The following HTR3B variants were observed in gnomAD, a reference collection of about 807,000 sequenced individuals.
HTR3B encodes the protein 5-hydroxytryptamine receptor 3B.
In HTR3B, 44 loss-of-function variants were observed where a neutral mutation model predicts 42.8. The observed-to-expected ratio is 1.03, with a 90% CI of 0.81 to 1.32. The LOEUF (loss-of-function observed/expected upper bound fraction) is 1.32. HTR3B is among the 40% of genes most tolerant of loss of function. The pLI, the probability that HTR3B is intolerant of heterozygous loss-of-function variation, is 0.00. For synonymous variants in HTR3B, 203 were observed against 209.0 expected, an observed-to-expected ratio of 0.97 and a Z score of 0.25; for missense variants, 527 against 536.5, an observed-to-expected ratio of 0.98 and a Z score of 0.17.
In HTR3B at chr11:113,946,329, CA is replaced by C. The variant is rs1290114069; in HGVS notation, c.*193del. ...CAGCCAGAGCAACATAGTGAGACCACATCTCTACCAGTAAATAAATAAATAA... is the reference window on the plus strand; with the variant it reads ...CAGCCAGAGCAACATAGTGAGACCACTCTCTACCAGTAAATAAATAAATAA... On this transcript the variant is annotated 3_prime_UTR_variant, in exon 9 of 9. Coordinates refer to ENST00000260191, the MANE Select transcript of HTR3B (RefSeq NM_006028.5). 5 of 459,926 alleles carry C rather than the reference CA, an allele frequency of 1.1e-5. No individual in the cohort carries two copies. Among genetic ancestry groups the C allele is most frequent in the Admixed American group, 7.2e-5 (2 of 27,822 alleles). The allele number at this position is 459,926 out of a possible 1,614,324, so 28.5% of individuals were successfully genotyped here.
chr11:113,936,090 G>A (rs1950089912), intron 6 of HTR3B, among the ~76,000 whole-genome samples: 1 of 152,182 alleles, frequency 6.6e-6, no homozygotes, highest in Non-Finnish European at 1.5e-5. Flanking sequence ...CTGGGACCCG[G>A]CCCAGCAGCC....
At chr11:113,943,458 T>A (rs1233907971) in intron 7 of HTR3B, among the ~76,000 whole-genome samples, 1 of 151,904 alleles carries the variant, frequency 6.6e-6, no homozygotes, top group African/African-American at 2.4e-5. Context: ...CTCAGCCTCC[T>A]GAGTAGCTGG....
chr11:113,936,807 T>G (rs1950095678), intron 6 of HTR3B, among the ~76,000 whole-genome samples: 1 of 152,124 alleles, frequency 6.6e-6, no homozygotes, highest in Non-Finnish European at 1.5e-5. Context: ...AAATTCCAAC[T>G]GTGTCATAAA....
chr11:113,943,027 A>T lies in HTR3B; in HGVS notation c.742A>T (p.Ile248Phe). ...HPLVYVVSLL[I>F]PSIFLMLVDL... ...CCTGGTCTATGTCGTGAGTCTGCTGATTCCTAGCATCTTTCTCATGCTGGT... is the reference window on the plus strand; with the variant it reads ...CCTGGTCTATGTCGTGAGTCTGCTGTTTCCTAGCATCTTTCTCATGCTGGT... Residue 248 changes from isoleucine (I) to phenylalanine (F), a missense_variant, in exon 7 of 9, where the codon ATT (isoleucine) becomes TTT (phenylalanine). Coordinates refer to ENST00000260191, the MANE Select transcript of HTR3B (RefSeq NM_006028.5). 6.2e-7 allele frequency: 1 copy of T among 1,614,062 alleles called. No homozygotes were observed. Among genetic ancestry groups the T allele is most frequent in the Non-Finnish European group, 8.5e-7 (1 of 1,180,010 alleles).
chr11:113,937,286 C>T (rs1950099264), intron 6 of HTR3B, among the ~76,000 whole-genome samples: 2 of 152,180 alleles, frequency 1.3e-5, no homozygotes, highest in Admixed American at 6.5e-5. Flanking sequence ...AGGATAGCCT[C>T]CATTCAGGCT....
chr11:113,931,613 G>T (rs1359677503), intron 3 of HTR3B, 145 bp from the exon 4 acceptor site: 1 of 666,186 alleles, frequency 1.5e-6, no homozygotes, highest in Non-Finnish European at 2.6e-6. Context: ...ACCATCTTTA[G>T]GATTCAGATG....
At chr11:113,942,290 C>CCGTCTCTA (rs1432465782) in intron 6 of HTR3B, among the ~76,000 whole-genome samples, 3 of 152,002 alleles carry the variant, frequency 2.0e-5, no homozygotes, top group Admixed American at 1.3e-4. Context: ...AAAAGAAACC[C>CCGTCTCTA]CGTCTCTACT....
intron 1 of HTR3B, among the ~76,000 whole-genome samples, chr11:113,908,255 T>C (rs919807098): frequency 2.0e-5 from 3 of 152,166 alleles, no homozygotes; most frequent in African/African-American, 7.2e-5. Context: ...CATGACATCA[T>C]TCATAAAGAA....
intron 2 of HTR3B, among the ~76,000 whole-genome samples, chr11:113,922,234 TTTTA>T (rs200595259): frequency 1.3e-5 from 2 of 151,848 alleles, no homozygotes; most frequent in South Asian, 4.2e-4. Flanking sequence ...TCTTTTTTGT[TTTTA>T]TTTATTTATT....
At chr11:113,942,415 C>T (rs1303370926) in intron 6 of HTR3B, among the ~76,000 whole-genome samples, 7 of 152,132 alleles carry the variant, frequency 4.6e-5, no homozygotes, top group Admixed American at 2.0e-4. Context: ...GCTGAGATCG[C>T]GCCATTGCAC....
rs988172308 is a variant in HTR3B, at chr11:113,948,570, T to C, written c.*2433T>C. ...TGAAAAAATGTATTGAACAATGCTT[T>C]GAAAAGTAAATAATGGGGCGTGGTG... On this transcript the variant is annotated 3_prime_UTR_variant, in exon 9 of 9. Coordinates refer to ENST00000260191, the MANE Select transcript of HTR3B (RefSeq NM_006028.5). Among the ~76,000 whole-genome samples the C allele has an allele frequency of 6.6e-6, 1 of 152,200 alleles. No individual in the cohort carries two copies. Among genetic ancestry groups the C allele is most frequent in the Non-Finnish European group, 1.5e-5 (1 of 68,034 alleles).
intron 8 of HTR3B, among the ~76,000 whole-genome samples, chr11:113,945,408 T>G (rs1341029161): frequency 1.3e-5 from 2 of 152,334 alleles, no homozygotes; most frequent in East Asian, 3.9e-4. Context: ...GTGCTGGGAT[T>G]ACAGGTGTGA....
chr11:113,922,792 T>C (rs1005878947), intron 2 of HTR3B, among the ~76,000 whole-genome samples: 53 of 152,284 alleles, frequency 3.5e-4, no homozygotes, highest in African/African-American at 1.2e-3. Context: ...CCTCACCTCG[T>C]GATCCGCCTG....
At chr11:113,918,007 A>G (rs569379876) in intron 2 of HTR3B, among the ~76,000 whole-genome samples, 4 of 152,152 alleles carry the variant, frequency 2.6e-5, no homozygotes, top group Non-Finnish European at 5.9e-5. Context: ...TGCTTCCCAC[A>G]TGGCATATTC....
chr11:113,932,938 G>A lies in HTR3B; in HGVS notation c.541G>A (p.Glu181Lys). 1.2e-6 allele frequency: 2 copies of A among 1,613,576 alleles called. No individual in the cohort carries two copies. Among genetic ancestry groups the A allele is most frequent in the Non-Finnish European group, 1.7e-6 (2 of 1,179,820 alleles). ...TCAATTGTTTGTGTTGTTTGCAGTG[G>A]AAGACGTAGACCTGGCCTTTCTGAG... ...LTFKSILHTV[E>K]DVDLAFLRSP... Residue 181 changes from glutamate to lysine, a missense_variant and splice_region_variant, in exon 6 of 9, where the codon GAA (glutamate) becomes AAA (lysine). Glu to Lys is a moderately conservative substitution (Grantham distance 56, BLOSUM62 1). Coordinates refer to ENST00000260191, the MANE Select transcript of HTR3B (RefSeq NM_006028.5).
chr11:113,923,263 C>T (rs570877451), intron 2 of HTR3B, among the ~76,000 whole-genome samples: 1 of 152,288 alleles, frequency 6.6e-6, no homozygotes, highest in Admixed American at 6.5e-5. Context: ...GAACTGCTGG[C>T]AACTTTTGTT....
At chr11:113,924,160 G>C (rs1267942672) in intron 2 of HTR3B, among the ~76,000 whole-genome samples, 2 of 152,192 alleles carry the variant, frequency 1.3e-5, no homozygotes, top group East Asian at 3.9e-4. Context: ...TCTTGTGAAA[G>C]CATAGTCAAC....
At chr11:113,899,614 A>C in the HTR3B span, among the ~76,000 whole-genome samples, 1 of 152,220 alleles carries the variant, frequency 6.6e-6, no homozygotes, top group Non-Finnish European at 1.5e-5. Flanking sequence ...TTGCATTTGC[A>C]TATTTATGGG....
In HTR3B at chr11:113,943,161, G is replaced by A. The variant is rs1402708142; in HGVS notation, c.876G>A (p.Val292=). The change falls in exon 7 of 9, where the codon GTG becomes GTA. Residue 292 remains valine, a synonymous_variant. Coordinates refer to ENST00000260191, the MANE Select transcript of HTR3B (RefSeq NM_006028.5). The part of the protein sequence containing the change: ...TVFRVNMSNQ[V]PRSVGSTPLI... ...TCAGGGTCAACATGTCCAACCAGGT[G>A]CCACGGAGTGTAGGGAGCACCCCTC... 1 of 1,614,024 alleles carries A rather than the reference G, an allele frequency of 6.2e-7. No homozygotes were observed. The highest frequency in any genetic ancestry group is 1.1e-5 in the South Asian group (1 of 91,058).
Sources: allele counts gnomAD v4.1 joint callset (sites outside exome capture counted in the v4.1 genomes callset), GRCh38; gene constraint gnomAD v4.1.1; transcripts MANE v1.5; gene names NCBI Gene and HGNC (gene_info 2026-07-23, HGNC 2026-07-21).